Variants in GPC6 observed in about 807,000 individuals in gnomAD.
GPC6 encodes glypican-6.
A neutral mutation model predicts 55.2 loss-of-function variants in GPC6; 14 were observed. The ratio of observed to expected loss-of-function variants is 0.25; its 90% CI spans 0.17 to 0.40. The LOEUF (loss-of-function observed/expected upper bound fraction) is 0.40. GPC6 is among the 10% of genes least tolerant of loss of function. The pLI is 1.00. For synonymous variants in GPC6, 278 were observed against 259.6 expected (o/e 1.07, Z -0.68); for missense variants, 641 against 708.5 (o/e 0.90, Z 1.08).
intron 3 of GPC6, among the ~76,000 whole-genome samples, chr13:93,948,604 A>G (rs1879116694): frequency 6.6e-6 from 1 of 152,194 alleles, no homozygotes; most frequent in African/African-American, 2.4e-5. Context: ...TTGAATGCAT[A>G]ATTTATTTAA....
chr13:93,952,951 G>A (rs374133629), intron 3 of GPC6, among the ~76,000 whole-genome samples: 5 of 148,652 alleles, frequency 3.4e-5, no homozygotes, highest in Non-Finnish European at 7.5e-5. Context: ...AAACCGTTTG[G>A]CTCAAAACAC....
chr13:93,607,970 A>G (rs1341383383), intron 2 of GPC6, among the ~76,000 whole-genome samples: 1 of 152,126 alleles, frequency 6.6e-6, no homozygotes, highest in East Asian at 1.9e-4. Flanking sequence ...CTTCCTTATA[A>G]GGCTTATTTG....
At chr13:93,692,086 C>T (rs1256788448) in intron 2 of GPC6, among the ~76,000 whole-genome samples, 40 of 152,018 alleles carry the variant, frequency 2.6e-4, no homozygotes, top group Admixed American at 1.4e-3. Context: ...TAAAGTCATG[C>T]GGTTAGTAAA....
intron 2 of GPC6, among the ~76,000 whole-genome samples, chr13:93,730,221 C>T (rs1306357881): frequency 1.3e-5 from 2 of 152,138 alleles, no homozygotes; most frequent in East Asian, 1.9e-4. Flanking sequence ...TCCCAAAACT[C>T]CTACCAGGTC....
At chr13:93,495,125 A>G (rs1431217658) in intron 1 of GPC6, among the ~76,000 whole-genome samples, 3 of 109,012 alleles carry the variant, frequency 2.8e-5, no homozygotes, top group African/African-American at 6.8e-5. Flanking sequence ...GTGTTTTCCA[A>G]CTTGGTTCCA....
chr13:94,264,073 G>A (rs1891724193), intron 4 of GPC6, among the ~76,000 whole-genome samples: 1 of 152,168 alleles, frequency 6.6e-6, no homozygotes, highest in East Asian at 1.9e-4. Context: ...AGAAGACTGG[G>A]TAGAGACCTA....
intron 2 of GPC6, among the ~76,000 whole-genome samples, chr13:93,569,600 G>A (rs1181781544): frequency 6.6e-6 from 1 of 151,852 alleles, no homozygotes; most frequent in Admixed American, 6.6e-5. Context: ...GTAGGTCACT[G>A]TCCTAGGATC....
chr13:94,116,282 T>G (rs1370872916), intron 4 of GPC6, among the ~76,000 whole-genome samples: 1 of 152,004 alleles, frequency 6.6e-6, no homozygotes, highest in African/African-American at 2.4e-5. Flanking sequence ...CCTACTACAT[T>G]CTGGAAGTTG....
intron 2 of GPC6, among the ~76,000 whole-genome samples, chr13:93,551,805 G>C (rs908859337): frequency 1.3e-5 from 2 of 151,970 alleles, no homozygotes; most frequent in Non-Finnish European, 2.9e-5. Flanking sequence ...GATTCCCTAG[G>C]AATTCAAGAA....
intron 4 of GPC6, among the ~76,000 whole-genome samples, chr13:94,155,602 G>T (rs1002109515): frequency 2.0e-5 from 3 of 152,096 alleles, no homozygotes; most frequent in African/African-American, 7.2e-5. Context: ...TTTAACAACT[G>T]CACTCCTGGG....
intron 4 of GPC6, among the ~76,000 whole-genome samples, chr13:94,039,385 A>T (rs1252247466): frequency 2.0e-5 from 3 of 151,920 alleles, no homozygotes; most frequent in Non-Finnish European, 2.9e-5. Context: ...GCACAAAAGG[A>T]GAAAGGGAGG....
intron 4 of GPC6, among the ~76,000 whole-genome samples, chr13:94,263,812 G>T (rs1434390008): frequency 1.3e-5 from 2 of 152,190 alleles, no homozygotes; most frequent in Non-Finnish European, 2.9e-5. Context: ...GAAATTTACA[G>T]CCTGGCAGCA....
At chr13:94,105,662 G>A (rs1452993616) in intron 4 of GPC6, among the ~76,000 whole-genome samples, 1 of 152,162 alleles carries the variant, frequency 6.6e-6, no homozygotes, top group Non-Finnish European at 1.5e-5. Context: ...CAAAAGTTTA[G>A]GGCGTGGTTG....
chr13:94,184,483 A>C (rs1419108925), intron 4 of GPC6, among the ~76,000 whole-genome samples: 1 of 152,208 alleles, frequency 6.6e-6, no homozygotes, highest in Non-Finnish European at 1.5e-5. Context: ...GACAAAGGAC[A>C]TAACAGATAC....
chr13:94,125,944 AG>A (rs1886792129), intron 4 of GPC6, among the ~76,000 whole-genome samples: 1 of 152,212 alleles, frequency 6.6e-6, no homozygotes, highest in Admixed American at 6.5e-5. Flanking sequence ...AATGAATATC[AG>A]TAACATCTCA....
intron 1 of GPC6, among the ~76,000 whole-genome samples, chr13:93,238,849 A>C (rs1876330083): frequency 1.3e-5 from 2 of 152,238 alleles, no homozygotes; most frequent in South Asian, 4.1e-4. Flanking sequence ...TAAAATGACC[A>C]TATAGCTTTT....
intron 3 of GPC6, among the ~76,000 whole-genome samples, chr13:93,881,367 C>G (rs909613162): frequency 3.9e-5 from 6 of 152,122 alleles, no homozygotes; most frequent in African/African-American, 1.4e-4. Context: ...GAGTAGCCTT[C>G]TTTCCCTGCT....
chr13:94,292,617 T>C (rs1358781783), intron 5 of GPC6, among the ~76,000 whole-genome samples: 1 of 152,186 alleles, frequency 6.6e-6, no homozygotes, highest in African/African-American at 2.4e-5. Flanking sequence ...TTCTCTCTTA[T>C]GTATCTCTTA....
chr13:93,446,735 G>A (rs546696558), intron 1 of GPC6, among the ~76,000 whole-genome samples: 1 of 152,160 alleles, frequency 6.6e-6, no homozygotes, highest in African/African-American at 2.4e-5. Context: ...GTCTCTTGCT[G>A]TTAGATTCGA....
Sources: gnomAD v4.1 joint callset for allele counts (sites outside exome capture counted in the v4.1 genomes callset) on GRCh38, gnomAD v4.1.1 for gene constraint, MANE v1.5 for transcripts, NCBI Gene and HGNC (gene_info 2026-07-23, HGNC 2026-07-21) for gene names.